The following SLC28A1 variants were observed in gnomAD, a reference collection of about 807,000 sequenced individuals.
The protein encoded by SLC28A1 is solute carrier family 28 member 1, also known as sodium/nucleoside cotransporter 1.
Under a neutral mutation model 74.8 loss-of-function variants are expected in SLC28A1, and 64 were observed. The ratio of observed to expected loss-of-function variants is 0.86; its 90% confidence interval spans 0.70 to 1.05. The LOEUF (loss-of-function observed/expected upper bound fraction) is 1.05. Among genes scored for constraint, SLC28A1 ranks in the 50% least tolerant of loss-of-function variants. The pLI, the probability that SLC28A1 is intolerant of heterozygous loss-of-function variation, is 0.00. For missense variants in SLC28A1, 828 were observed against 822.8 expected (o/e 1.01, Z -0.08); for synonymous variants, 359 against 335.0 (o/e 1.07, Z -0.78).
intron 11 of SLC28A1, among the ~76,000 whole-genome samples, chr15:84,923,649 A>T (rs4271567): frequency 0.53 from 80,142 of 151,898 alleles, 22,500 homozygotes; most frequent in Middle Eastern, 0.68. Context: ...CTGGAACCCC[A>T]CCGAACCTCT....
intron 12 of SLC28A1, among the ~76,000 whole-genome samples, chr15:84,932,749 A>T (rs949221214): frequency 6.6e-6 from 1 of 152,178 alleles, no homozygotes; most frequent in Non-Finnish European, 1.5e-5. Context: ...GCTAACGGGG[A>T]TTAGTGGTCA....
chr15:84,887,970 C>A (rs767955761), intron 3 of SLC28A1, 114 bp downstream of exon 3: 48 of 773,052 alleles, frequency 6.2e-5, no homozygotes, highest in Non-Finnish European at 1.1e-4. Context: ...CATTCTTCTG[C>A]CCCCTTCTCA....
At chr15:84,959,248 G>A in the SLC28A1 span, among the ~76,000 whole-genome samples, 1 of 152,198 alleles carries the variant, frequency 6.6e-6, no homozygotes, top group East Asian at 1.9e-4. Context: ...GGGATTACAG[G>A]CCTTTGCCAC....
chr15:84,951,191 T>C, the SLC28A1 span, among the ~76,000 whole-genome samples: 4 of 152,050 alleles, frequency 2.6e-5, no homozygotes, highest in Admixed American at 6.6e-5. Context: ...CTCGCCTCTG[T>C]AGTCCCAGCA....
the SLC28A1 span, among the ~76,000 whole-genome samples, chr15:84,955,918 A>G: frequency 1.3e-5 from 2 of 152,156 alleles, no homozygotes; most frequent in African/African-American, 4.8e-5. Flanking sequence ...TAGGATCCAC[A>G]GCGAACCCCC....
chr15:84,903,389 T>C (rs1424131566), intron 6 of SLC28A1, among the ~76,000 whole-genome samples: 2 of 152,238 alleles, frequency 1.3e-5, no homozygotes, highest in Non-Finnish European at 2.9e-5. Context: ...AGAACATGTC[T>C]CTCGCATCGG....
chr15:84,895,329 A>G, intron 6 of SLC28A1: 4 of 1,611,978 alleles, frequency 2.5e-6, no homozygotes, highest in Non-Finnish European at 3.4e-6. Context: ...CAGTTACAGC[A>G]GGTGACTGTG....
intron 9 of SLC28A1, 75 bp from the exon 10 acceptor site, chr15:84,918,449 G>T: frequency 9.0e-7 from 1 of 1,107,932 alleles, no homozygotes. Context: ...GCTGTCTGGG[G>T]TCTCCTGGGC....
At chr15:84,973,249 C>T in the SLC28A1 span, among the ~76,000 whole-genome samples, 5 of 152,118 alleles carry the variant, frequency 3.3e-5, no homozygotes, top group African/African-American at 1.2e-4. Context: ...TTTTTAATCT[C>T]ATTACTTCAG....
At chr15:84,964,836 C>T in the SLC28A1 span, among the ~76,000 whole-genome samples, 4 of 152,204 alleles carry the variant, frequency 2.6e-5, no homozygotes, top group Non-Finnish European at 5.9e-5. Flanking sequence ...TGGGATTAAG[C>T]CAGAGGCCCA....
intron 9 of SLC28A1, among the ~76,000 whole-genome samples, chr15:84,912,801 C>CGCGT (rs1555449074): frequency 1.5e-4 from 9 of 61,148 alleles, no homozygotes; most frequent in Non-Finnish European, 4.0e-4. Flanking sequence ...AAATTTTGCG[C>CGCGT]GCGCGCACAC....
At chr15:84,919,389 T>C (rs2141901740) in intron 10 of SLC28A1, among the ~76,000 whole-genome samples, 1 of 152,292 alleles carries the variant, frequency 6.6e-6, no homozygotes, top group African/African-American at 2.4e-5. Context: ...AAAAACAACC[T>C]GTGGTTATTA....
At chr15:84,887,702 G>T (rs937397670) in intron 2 of SLC28A1, 43 bp from the exon 3 acceptor site, 3 of 1,595,148 alleles carry the variant, frequency 1.9e-6, no homozygotes, top group Non-Finnish European at 2.6e-6. Context: ...GGCCCTGCCC[G>T]GCCTCCCTTT....
intron 16 of SLC28A1, among the ~76,000 whole-genome samples, chr15:84,943,903 CA>C (rs1156848120): frequency 3.8e-3 from 510 of 132,502 alleles, no homozygotes; most frequent in African/African-American, 7.1e-3. Context: ...GACTCTGTCT[CA>C]AAAAAAAAAA....
intron 16 of SLC28A1, among the ~76,000 whole-genome samples, chr15:84,944,178 C>T (rs1973041706): frequency 6.6e-6 from 1 of 152,234 alleles, no homozygotes; most frequent in South Asian, 2.1e-4. Flanking sequence ...ATTTCCAGTC[C>T]TGGCAGCTAC....
In SLC28A1 at chr15:84,920,938, C is replaced by T. The variant is rs111883417; in HGVS notation, c.877-51C>T. The T allele has an allele frequency of 1.4e-5, 20 of 1,444,884 alleles. No homozygotes were observed. In the African/African-American group the frequency reaches 1.4e-4, roughly 10 times the overall value. The allele number at this position is 1,444,884 out of a possible 1,614,324, so 89.5% of individuals were successfully genotyped here. Reference sequence around the variant, plus strand: ...GGTCTTCCACTCCAGCCCCCTCTGACTCTGGGGTTTGCTGATGTCAGCCCA... The same window carrying T: ...GGTCTTCCACTCCAGCCCCCTCTGATTCTGGGGTTTGCTGATGTCAGCCCA... On this transcript the variant is annotated intron_variant, in intron 10 of 18. Transcript: ENST00000394573.
intron 11 of SLC28A1, among the ~76,000 whole-genome samples, chr15:84,923,093 A>G (rs11636486): frequency 0.35 from 53,863 of 151,960 alleles, 11,450 homozygotes; most frequent in Middle Eastern, 0.5. Context: ...ATGTGTCAGC[A>G]TGCCCGGCTA....
chr15:84,946,104 ATATATATAT>A (rs2079210118), downstream of SLC28A1, among the ~76,000 whole-genome samples: 2 of 12,730 alleles, frequency 1.6e-4, no homozygotes, highest in African/African-American at 5.0e-4. Context: ...ATATATATAT[ATATATATAT>A]TTTTTTTTTT....
chr15:84,912,828 A>G (rs954002925), intron 9 of SLC28A1, among the ~76,000 whole-genome samples: 10 of 151,726 alleles, frequency 6.6e-5, no homozygotes, highest in South Asian at 4.2e-4. Context: ...ACACACACAC[A>G]CACACACACA....
Sources: gnomAD v4.1 joint callset for allele counts (sites outside exome capture counted in the v4.1 genomes callset) on GRCh38, gnomAD v4.1.1 for gene constraint, MANE v1.5 for transcripts, NCBI Gene and HGNC (gene_info 2026-07-23, HGNC 2026-07-21) for gene names.